TRIM2: variants seen among roughly 807,000 people sequenced by gnomAD.
TRIM2 encodes tripartite motif containing 2.
Under a neutral mutation model 75.2 loss-of-function variants are expected in TRIM2, and 20 were observed. The ratio of observed to expected loss-of-function variants is 0.27; its 90% CI spans 0.19 to 0.39. The LOEUF is 0.39. Among genes scored for constraint, TRIM2 ranks in the 10% least tolerant of loss-of-function variants. TRIM2 has a pLI of 1.00. For missense variants in TRIM2, 660 were observed against 990.8 expected, an observed-to-expected ratio of 0.67 and a Z score of 4.48; for synonymous variants, 373 against 388.3, an observed-to-expected ratio of 0.96 and a Z score of 0.46.
At chr4:153,281,502 T>C (rs1394055892) in intron 3 of TRIM2, among the ~76,000 whole-genome samples, 1 of 152,246 alleles carries the variant, frequency 6.6e-6, no homozygotes. Context: ...GAAACAGAAG[T>C]CTTCATTGCA....
intron 1 of TRIM2, among the ~76,000 whole-genome samples, chr4:153,198,131 A>T (rs1049377983): frequency 6.6e-6 from 1 of 152,254 alleles, no homozygotes; most frequent in Non-Finnish European, 1.5e-5. Flanking sequence ...ATTATTTTAA[A>T]AAAGAAATTA....
At chr4:153,319,953 C>T (rs1768568309) in intron 8 of TRIM2, among the ~76,000 whole-genome samples, 1 of 151,982 alleles carries the variant, frequency 6.6e-6, no homozygotes, top group Non-Finnish European at 1.5e-5. Flanking sequence ...GGAAGTAACC[C>T]TTTATTTTCT....
chr4:153,200,302 A>G (rs978548714), upstream of TRIM2, among the ~76,000 whole-genome samples: 1 of 152,020 alleles, frequency 6.6e-6, no homozygotes, highest in Non-Finnish European at 1.5e-5. Flanking sequence ...ACAATATGCA[A>G]CCTTTTGTGT....
At chr4:153,260,678 A>C (rs1045175496) in intron 1 of TRIM2, among the ~76,000 whole-genome samples, 538 of 51,400 alleles carry the variant, frequency 0.01, no homozygotes, top group East Asian at 0.019. Context: ...ACACACACCC[A>C]CCCACACACC....
Position 153,288,501 on chromosome 4 carries a change from T to C in TRIM2, c.454-4481T>C, listed in dbSNP as rs745537579. ...ACAAGATGAGTCACCTCTGTCTTGC[T>C]GCTTTCAAGATTCTCTCTTTGTTTT... On this transcript the variant is annotated intron_variant, in intron 3 of 11. Coordinates refer to ENST00000338700, the MANE Select transcript of TRIM2 (RefSeq NM_015271.5). Among the ~76,000 whole-genome samples the C allele has an allele frequency of 3.9e-4, 59 of 152,332 alleles. No homozygotes were observed. The Middle Eastern group carries it at 0.017, about 44-fold the overall frequency.
chr4:153,295,759 C>A lies in TRIM2; in HGVS notation c.1233C>A (p.Asn411Lys). The change falls in exon 6 of 12, where the codon AAC becomes AAA. Residue 411 changes from asparagine to lysine, a missense_variant. Physicochemically the swap from Asn to Lys is moderately conservative, Grantham distance 94 (BLOSUM62 0). Coordinates refer to ENST00000338700, the MANE Select transcript of TRIM2 (RefSeq NM_015271.5). The surrounding 1 kb of genome is among the most constrained non-coding windows in gnomAD (Gnocchi z 7.2). Reference protein sequence around the residue: ...GSVADGEILDNKNGTYEFLYT... With the variant: ...GSVADGEILDKKNGTYEFLYT... ...TGGCAGACGGGGAGATCCTGGACAACAAGAACGGCACCTATGAGTTTTTGT... is the reference window on the plus strand; with the variant it reads ...TGGCAGACGGGGAGATCCTGGACAAAAAGAACGGCACCTATGAGTTTTTGT... The A allele has an allele frequency of 6.2e-7, 1 of 1,614,054 alleles. No individual in the cohort carries two copies. The highest frequency in any genetic ancestry group is 8.5e-7 in the Non-Finnish European group (1 of 1,179,982).
chr4:153,293,127 A>G lies in TRIM2; in HGVS notation c.599A>G (p.Asn200Ser), dbSNP rs1762144938. 6.2e-7 allele frequency: 1 copy of G among 1,605,242 alleles called. No individual in the cohort carries two copies. Among genetic ancestry groups the G allele is most frequent in the South Asian group, 1.1e-5 (1 of 90,530 alleles). ...ASLQVQLDAVNKRLPEIDSAL... is the reference protein window; with the variant it reads ...ASLQVQLDAVSKRLPEIDSAL... ...CTCCAGGTCCAGCTGGATGCTGTCA[A>G]CAAAAGGTGGGGGACCCCTCCCCAA... Residue 200 changes from asparagine (N) to serine (S), a missense_variant, in exon 4 of 12, where the codon AAC becomes AGC. By Grantham distance (46) the Asn-to-Ser change is conservative (BLOSUM62 1). This residue lies in a region of TRIM2 where 620 missense variants were observed against 891.0 expected (regional missense o/e 0.70). Transcript: ENST00000338700.
chr4:153,239,345 C>A (rs1236834453), intron 1 of TRIM2, among the ~76,000 whole-genome samples: 3 of 133,980 alleles, frequency 2.2e-5, no homozygotes, highest in Non-Finnish European at 4.6e-5. Context: ...CAGCGTGACT[C>A]CGTCTCAAAA....
At chr4:153,261,507 A>G (rs376378117) in intron 1 of TRIM2, among the ~76,000 whole-genome samples, 1 of 152,314 alleles carries the variant, frequency 6.6e-6, no homozygotes, top group East Asian at 1.9e-4. Context: ...AATGCCATAA[A>G]ATTAGACTGT....
At chr4:153,211,082 G>C (rs1736864985) in intron 1 of TRIM2, among the ~76,000 whole-genome samples, 1 of 152,146 alleles carries the variant, frequency 6.6e-6, no homozygotes, top group African/African-American at 2.4e-5. Flanking sequence ...CTTCCAATAT[G>C]AGGCTGCCTT....
At chr4:153,176,419 C>T (rs948236177) in intron 1 of TRIM2, among the ~76,000 whole-genome samples, 1 of 151,744 alleles carries the variant, frequency 6.6e-6, no homozygotes, top group African/African-American at 2.4e-5. Context: ...AACTACTGCA[C>T]TCCAGACTGG....
intron 2 of TRIM2, among the ~76,000 whole-genome samples, chr4:153,275,456 A>G (rs1320446942): frequency 1.3e-5 from 2 of 152,184 alleles, no homozygotes; most frequent in Non-Finnish European, 2.9e-5. Context: ...GTTTCTTTCA[A>G]TTTCAAAGTC....
intron 1 of TRIM2, among the ~76,000 whole-genome samples, chr4:153,234,843 C>T (rs999110544): frequency 1.3e-5 from 2 of 152,158 alleles, no homozygotes; most frequent in African/African-American, 4.8e-5. Flanking sequence ...TTTGACATCT[C>T]CAGGCAGTTG....
intron 1 of TRIM2, among the ~76,000 whole-genome samples, chr4:153,253,984 C>T (rs1053301313): frequency 2.0e-5 from 3 of 152,134 alleles, no homozygotes; most frequent in South Asian, 2.1e-4. Flanking sequence ...ACTGTGGACT[C>T]GCCCTGAATT....
At position 153,209,133 on chromosome 4, in the gene TRIM2, G is replaced by T. The variant is rs116441736; in HGVS notation, c.30+4573G>T. 1.9e-3 allele frequency among the ~76,000 whole-genome samples: 293 copies of T among 152,348 alleles called. 4 individuals carry two copies. The highest frequency in any genetic ancestry group is 6.8e-3 in the African/African-American group (282 of 41,574). ...ATGGTGGACAGGCCCCTGAAGGCACGTAAGGAGCAGGGAGCCTGGTGACCT... is the reference window on the plus strand; with the variant it reads ...ATGGTGGACAGGCCCCTGAAGGCACTTAAGGAGCAGGGAGCCTGGTGACCT... On this transcript the variant is annotated intron_variant, in intron 1 of 11. Coordinates refer to ENST00000338700, the MANE Select transcript of TRIM2 (RefSeq NM_015271.5).
chr4:153,329,216 G>C (rs1770908053), intron 11 of TRIM2, among the ~76,000 whole-genome samples: 1 of 151,896 alleles, frequency 6.6e-6, no homozygotes, highest in South Asian at 2.1e-4. Flanking sequence ...TCATAATTTA[G>C]TAATATTTCA....
At chr4:153,154,053 G>T (rs553090178) in intron 1 of TRIM2, among the ~76,000 whole-genome samples, 51 of 152,218 alleles carry the variant, frequency 3.4e-4, no homozygotes, top group African/African-American at 1.2e-3. Flanking sequence ...TCCAGACAAG[G>T]TTTTAATTTT....
At chr4:153,200,725 ATATAT>A (rs1470073563), upstream of TRIM2, among the ~76,000 whole-genome samples, 1,490 of 124,972 alleles carry the variant, frequency 0.012, 33 homozygotes, top group African/African-American at 0.043. Context: ...AGAAAAAAAA[ATATAT>A]ATATATATAT....
intron 1 of TRIM2, among the ~76,000 whole-genome samples, chr4:153,231,816 T>A (rs1187788717): frequency 2.0e-5 from 3 of 152,164 alleles, no homozygotes; most frequent in Non-Finnish European, 4.4e-5. Flanking sequence ...TGTAAGGACA[T>A]CAGTCATATT....
Sources: gnomAD v4.1 joint callset for allele counts (sites outside exome capture counted in the v4.1 genomes callset) on GRCh38, gnomAD v4.1.1 for gene constraint, gnomAD v4.1.1 regional missense constraint, Gnocchi (gnomAD v3.1) non-coding constraint, MANE v1.5 for transcripts, NCBI Gene and HGNC (gene_info 2026-07-23, HGNC 2026-07-21) for gene names.